OPN5: variants seen among roughly 807,000 people sequenced by gnomAD.
The protein encoded by OPN5 is opsin 5.
OPN5 carries 18 observed loss-of-function variants against 41.7 expected under a neutral mutation model. The ratio of observed to expected loss-of-function variants is 0.43; its 90% CI spans 0.30 to 0.64. The LOEUF is 0.64. Ranked by LOEUF, OPN5 falls within the 30% of genes least tolerant of loss-of-function variation. OPN5 has a pLI of 0.13. For synonymous variants in OPN5, 178 were observed against 164.3 expected, an observed-to-expected ratio of 1.08 and a Z score of -0.64; for missense variants, 318 against 434.5, an observed-to-expected ratio of 0.73 and a Z score of 2.38.
chr6:47,821,024 G>A (rs561990320), intron 6 of OPN5, among the ~76,000 whole-genome samples: 12 of 152,154 alleles, frequency 7.9e-5, no homozygotes, highest in Non-Finnish European at 1.2e-4. Flanking sequence ...ATATATTTAC[G>A]GTTCATTAAG....
exon 5 of OPN5, chr6:47,808,277 C>T: frequency 6.2e-7 from 1 of 1,614,082 alleles, no homozygotes; most frequent in South Asian, 1.1e-5. Context: ...GCCAACCCTA[C>T]TTGCAAAATC....
At chr6:47,808,431 C>T in intron 5 of OPN5, 36 bp downstream of exon 5, 2 of 1,610,756 alleles carry the variant, frequency 1.2e-6, no homozygotes, top group Non-Finnish European at 1.7e-6. Context: ...ATTACACTCT[C>T]TTTGTTTCAA....
intron 6 of OPN5, among the ~76,000 whole-genome samples, chr6:47,814,984 C>G (rs1415401030): frequency 6.6e-6 from 1 of 151,964 alleles, no homozygotes; most frequent in Non-Finnish European, 1.5e-5. Context: ...ATATAAAATC[C>G]TAGATCCCTG....
chr6:47,812,978 G>A lies in OPN5; in HGVS notation c.1056+1247G>A, dbSNP rs1023708203. Among the ~76,000 whole-genome samples, 11 of 152,188 alleles carry A rather than the reference G, an allele frequency of 7.2e-5. No homozygotes were observed. The East Asian group carries it at 2.1e-3, about 29-fold the overall frequency. Reference sequence around the variant, plus strand: ...GTTCCTTTGTCTTTGTTCTTTGTCAGTCAGGGGTGTGGGATGAGGAATGAC... The same window carrying A: ...GTTCCTTTGTCTTTGTTCTTTGTCAATCAGGGGTGTGGGATGAGGAATGAC... On this transcript the variant is annotated intron_variant, in intron 6 of 6. Coordinates refer to ENST00000371211, the Ensembl canonical transcript of OPN5.
intron 6 of OPN5, among the ~76,000 whole-genome samples, chr6:47,823,114 T>C (rs1035530755): frequency 3.3e-5 from 5 of 152,200 alleles, no homozygotes; most frequent in Non-Finnish European, 7.3e-5. Context: ...GTTAGTTATG[T>C]GGCCGTGGCC....
chr6:47,782,462 A>T (rs1403424312), intron 1 of OPN5, among the ~76,000 whole-genome samples: 1 of 152,208 alleles, frequency 6.6e-6, no homozygotes, highest in Non-Finnish European at 1.5e-5. Context: ...CATTTTGGTT[A>T]CTTTGGGAGT....
intron 2 of OPN5, among the ~76,000 whole-genome samples, chr6:47,788,233 C>A (rs566054717): frequency 6.6e-6 from 1 of 152,358 alleles, no homozygotes; most frequent in African/African-American, 2.4e-5. Context: ...CGCGATGGCG[C>A]TGTCGCAACA....
intron 6 of OPN5, among the ~76,000 whole-genome samples, chr6:47,822,847 G>T (rs771604063): frequency 6.6e-6 from 1 of 152,142 alleles, no homozygotes; most frequent in Non-Finnish European, 1.5e-5. Context: ...CACTTCTGTT[G>T]TTCAAGTCCT....
chr6:47,784,020 GAT>G (rs1773139536), intron 1 of OPN5, among the ~76,000 whole-genome samples: 1 of 152,124 alleles, frequency 6.6e-6, no homozygotes, highest in South Asian at 2.1e-4. Flanking sequence ...TTTCCCACCT[GAT>G]ACACATGGAG....
chr6:47,819,387 T>C (rs1373212099), intron 6 of OPN5, among the ~76,000 whole-genome samples: 2 of 98,240 alleles, frequency 2.0e-5, no homozygotes, highest in Admixed American at 2.4e-4. Context: ...GAAATATATA[T>C]ATATATATAT....
At chr6:47,808,083 T>A (rs898016356) in intron 4 of OPN5, 71 bp from the exon 5 acceptor site, 32 of 1,487,082 alleles carry the variant, frequency 2.2e-5, no homozygotes, top group Admixed American at 1.2e-4. Context: ...TCCTTCTCCA[T>A]ACCCATCGTT....
intron 2 of OPN5, among the ~76,000 whole-genome samples, chr6:47,790,544 C>T (rs74869212): frequency 1.6e-4 from 25 of 152,280 alleles, no homozygotes; most frequent in South Asian, 4.1e-4. Flanking sequence ...CCTGTGAATA[C>T]TCAACTTTCT....
intron 4 of OPN5, among the ~76,000 whole-genome samples, chr6:47,804,666 A>G (rs1486807698): frequency 2.6e-5 from 4 of 152,172 alleles, no homozygotes; most frequent in African/African-American, 7.2e-5. Flanking sequence ...CATAAATAAC[A>G]TTGTGTAGTA....
exon 4 of OPN5, chr6:47,795,369 T>C (rs1773513992): frequency 1.2e-6 from 2 of 1,614,020 alleles, no homozygotes; most frequent in African/African-American, 1.3e-5. Context: ...CCTGGACTGG[T>C]GGCTGGCCCA....
intron 1 of OPN5, among the ~76,000 whole-genome samples, chr6:47,784,648 T>C (rs1029815889): frequency 2.0e-5 from 3 of 152,070 alleles, no homozygotes; most frequent in African/African-American, 7.2e-5. Context: ...GAATAAACAT[T>C]CTTGGTGGGC....
At chr6:47,794,538 G>GA (rs1773482398) in intron 3 of OPN5, among the ~76,000 whole-genome samples, 1 of 152,180 alleles carries the variant, frequency 6.6e-6, no homozygotes, top group East Asian at 1.9e-4. Flanking sequence ...AACTAGTGCT[G>GA]AAAAACGGAG....
At chr6:47,826,110 T>C (rs567680437), downstream of OPN5, 5 of 152,258 alleles carry the variant, frequency 3.3e-5, no homozygotes, top group East Asian at 9.6e-4. Context: ...TTTGAACATG[T>C]ACAAAAGAGA....
intron 4 of OPN5, among the ~76,000 whole-genome samples, chr6:47,807,234 C>T (rs575912616): frequency 1.3e-5 from 2 of 152,134 alleles, no homozygotes; most frequent in African/African-American, 4.8e-5. Context: ...TAATATTCAG[C>T]CTTGTACTGT....
At chr6:47,819,761 G>A (rs545825127) in intron 6 of OPN5, among the ~76,000 whole-genome samples, 8 of 152,160 alleles carry the variant, frequency 5.3e-5, no homozygotes, top group African/African-American at 1.9e-4. Context: ...AATCTTCTGA[G>A]GTAGTGAGTC....
Sources: allele counts gnomAD v4.1 joint callset (sites outside exome capture counted in the v4.1 genomes callset), GRCh38; gene constraint gnomAD v4.1.1; transcripts MANE v1.5; gene names NCBI Gene and HGNC (gene_info 2026-07-23, HGNC 2026-07-21).